Variants in SYNE2 observed in about 807,000 individuals in gnomAD.
The protein encoded by SYNE2 is spectrin repeat containing nuclear envelope protein 2, also known as nesprin-2.
A neutral mutation model predicts 856.3 loss-of-function variants in SYNE2; 431 were observed. That is an observed-to-expected ratio of 0.50 (90% confidence interval 0.47 to 0.55). SYNE2 has a LOEUF of 0.55. SYNE2 is among the 20% of genes least tolerant of loss of function. The probability of loss-of-function intolerance (pLI) is 0.00; values close to 1 mark genes in which losing one functional copy is unlikely to be tolerated. For missense variants in SYNE2, 8,129 were observed against 8,023.2 expected (o/e 1.01, Z -0.50); for synonymous variants, 2,923 against 2,872.3 (o/e 1.02, Z -0.56).
intron 20 of SYNE2, among the ~76,000 whole-genome samples, 157 bp downstream of exon 20, chr14:63,990,726 T>A (rs1054308298): frequency 2.0e-5 from 3 of 152,188 alleles, no homozygotes; most frequent in Non-Finnish European, 4.4e-5. Flanking sequence ...TTAAAGCGTA[T>A]CAGAAAATAT....
At chr14:64,207,996 G>A (rs2098616502) in intron 100 of SYNE2, 1 of 455,916 alleles carries the variant, frequency 2.2e-6, no homozygotes, top group Admixed American at 2.4e-5. Context: ...ATCTGATGAT[G>A]ACTAAAAATG....
At chr14:64,056,300 A>G in intron 49 of SYNE2, 34 bp downstream of exon 49, 1 of 1,555,856 alleles carries the variant, frequency 6.4e-7, no homozygotes, top group Non-Finnish European at 8.8e-7. Context: ...CTTTAAGAAC[A>G]TAAAATATTG....
At chr14:63,778,297 G>T (rs1324034681) in intron 1 of SYNE2, among the ~76,000 whole-genome samples, 2 of 151,946 alleles carry the variant, frequency 1.3e-5, no homozygotes, top group Non-Finnish European at 2.9e-5. Context: ...GTTTCCTGAG[G>T]CCTCCCCAGC....
chr14:63,905,117 G>A (rs1275068630), intron 1 of SYNE2, among the ~76,000 whole-genome samples: 1 of 152,064 alleles, frequency 6.6e-6, no homozygotes, highest in African/African-American at 2.4e-5. Context: ...TCAGATGGTT[G>A]GAAATGTGCA....
At chr14:63,990,917 A>G in intron 20 of SYNE2, 25 bp from the exon 21 acceptor site, 2 of 1,610,210 alleles carry the variant, frequency 1.2e-6, no homozygotes, top group Admixed American at 1.7e-5. Flanking sequence ...CCCCGTGTTA[A>G]TTTGAGAATT....
chr14:63,950,141 C>G, intron 7 of SYNE2, 135 bp downstream of exon 7: 1 of 1,039,796 alleles, frequency 9.6e-7, no homozygotes, highest in South Asian at 1.3e-5. Flanking sequence ...TTCTTCCATA[C>G]GTGGAAGCCC....
intron 84 of SYNE2, among the ~76,000 whole-genome samples, chr14:64,146,821 C>T (rs907296753): frequency 5.3e-5 from 8 of 152,236 alleles, no homozygotes; most frequent in East Asian, 1.9e-4. Context: ...ATCGCCATCA[C>T]GGCAGGCGGC....
In SYNE2 at chr14:63,982,783, A is replaced by G. The variant is rs774314296; in HGVS notation, c.1990A>G (p.Lys664Glu). 6.2e-7 allele frequency: 1 copy of G among 1,614,010 alleles called. No homozygotes were observed. The highest frequency in any genetic ancestry group is 1.1e-5 in the South Asian group (1 of 91,086). The change falls in exon 17 of 116, where the codon AAA becomes GAA. Residue 664 changes from lysine (K) to glutamate (E), a missense_variant. Lys to Glu is a moderately conservative substitution (Grantham distance 56). Transcript: ENST00000555002. The part of the protein sequence containing the change: ...LNKRWRKLVS[K>E]TQLEMNLPLM... ...TAAAAGATGGAGAAAGTTGGTTTCA[A>G]AAACTCAACTTGTAAGTTCTTTTGA...
chr14:64,053,925 C>T (rs953364694), intron 48 of SYNE2, among the ~76,000 whole-genome samples: 5 of 152,146 alleles, frequency 3.3e-5, no homozygotes, highest in South Asian at 2.1e-4. Context: ...GTCAACATCC[C>T]GGCACTGCTC....
chr14:64,163,684 A>G, intron 89 of SYNE2, 103 bp downstream of exon 89: 1 of 1,377,364 alleles, frequency 7.3e-7, no homozygotes, highest in Non-Finnish European at 1.0e-6. Flanking sequence ...GCTGCTCCTT[A>G]GCAAAATTAC....
Position 64,016,454 on chromosome 14 carries a change from T to C in SYNE2, c.4729-19T>C. 1 of 1,505,828 alleles carries C rather than the reference T, an allele frequency of 6.6e-7. No individual in the cohort carries two copies. The allele number at this position is 1,505,828 out of a possible 1,614,324, so 93.3% of individuals were successfully genotyped here. A position where few individuals can be genotyped will look rare whatever the true frequency, so the allele number is the denominator to read the frequency against. On this transcript the variant is annotated intron_variant, in intron 32 of 115. Transcript: ENST00000555002. Reference sequence around the variant, plus strand: ...TCTATATCAAAATATCAGAAATAACTTTCATATCTTTTTTACAGATTGAAA... The same window carrying C: ...TCTATATCAAAATATCAGAAATAACCTTCATATCTTTTTTACAGATTGAAA...
rs2097239571 is a variant in SYNE2, at chr14:64,053,047, AT to A, written c.9135del (p.His3045GlnfsTer8). 2 of 1,613,968 alleles carry A rather than the reference AT, an allele frequency of 1.2e-6. No homozygotes were observed. Among genetic ancestry groups the A allele is most frequent in the Admixed American group, 3.3e-5 (2 of 60,006 alleles). ...IKQLDTFEEE[H>X]GKYQALLSKM... ...CAGTTGGACACATTTGAGGAAGAAC[AT>A]GGCAAATATCAGGCATTATTAAGTA... On this transcript the variant is annotated frameshift_variant, in exon 48 of 116. Transcript: ENST00000555002. LOFTEE classifies it high-confidence loss of function.
intron 76 of SYNE2, among the ~76,000 whole-genome samples, chr14:64,130,931 A>G (rs1310321567): frequency 6.6e-6 from 1 of 152,178 alleles, no homozygotes; most frequent in Non-Finnish European, 1.5e-5. Flanking sequence ...ACTAGAATCA[A>G]AAGGAAAGTG....
At chr14:64,178,180 G>T (rs1191610950) in intron 96 of SYNE2, among the ~76,000 whole-genome samples, 1 of 152,168 alleles carries the variant, frequency 6.6e-6, no homozygotes. Flanking sequence ...AATGAATAGT[G>T]TTATACTTCA....
rs536718608 is a variant in SYNE2 at position 63,951,534 on chromosome 14, C to T, written c.590+1528C>T. Among the ~76,000 whole-genome samples, 6 of 152,274 alleles carry T rather than the reference C, an allele frequency of 3.9e-5. No individual in the cohort carries two copies. The East Asian group carries it at 1.2e-3, about 29-fold the overall frequency. ...CCCAGGCTGGTCTCAAACTCCTGAC[C>T]TCAGGTGATCTGCCCACCTCGGCCT... On this transcript the variant is annotated intron_variant, in intron 7 of 115. Transcript: ENST00000555002.
Position 64,053,102 on chromosome 14 carries a change from G to C in SYNE2, c.9189G>C (p.Lys3063Asn), listed in dbSNP as rs368489729. 9.3e-6 allele frequency: 15 copies of C among 1,614,006 alleles called. No homozygotes were observed. The African/African-American group carries it at 2.0e-4, about 22-fold the overall frequency. ...SKMRAIDLQIKKMTEVVLKAP... is the reference protein window; with the variant it reads ...SKMRAIDLQINKMTEVVLKAP... Reference sequence around the variant, plus strand: ...TGAGAGCTATTGATTTGCAAATTAAGAAAATGACTGAAGTAGTACTAAAAG... The same window carrying C: ...TGAGAGCTATTGATTTGCAAATTAACAAAATGACTGAAGTAGTACTAAAAG... Residue 3063 changes from lysine to asparagine, a missense_variant, in exon 48 of 116, where the codon AAG becomes AAC. This residue lies in a region of SYNE2 where 5,410 missense variants were observed against 5,284.8 expected (regional missense o/e 1.02). Transcript: ENST00000555002.
Position 64,007,189 on chromosome 14 carries a change from T to A in SYNE2, c.4544T>A (p.Leu1515Ter), listed in dbSNP as rs1567035625. 2 of 1,614,088 alleles carry A rather than the reference T, an allele frequency of 1.2e-6. No individual in the cohort carries two copies. The highest frequency in any genetic ancestry group is 1.6e-4 in the Middle Eastern group (1 of 6,062). Residue 1515 changes from leucine (L) to a stop codon, truncating the protein, a stop_gained, in exon 31 of 116, where the codon TTG becomes TAG. Transcript: ENST00000555002. LOFTEE classifies it high-confidence loss of function. ...CAACAGTGCCAAAATACAGTAGTCT[T>A]GTGGGAGAATACCAAAGCCTTGGTC... ...VNQQCQNTVV[L>*]WENTKALVTE...
intron 71 of SYNE2, 53 bp from the exon 72 acceptor site, chr14:64,126,274 C>A: frequency 6.5e-7 from 1 of 1,526,744 alleles, no homozygotes; most frequent in South Asian, 1.1e-5. Flanking sequence ...AAATATAGGT[C>A]TAGGAAGGCA....
rs1328755787 is a variant in SYNE2, at chr14:63,962,430, T to C, written c.888+805T>C. Among the ~76,000 whole-genome samples, 3 of 152,182 alleles carry C rather than the reference T, an allele frequency of 2.0e-5. No individual in the cohort carries two copies. In the East Asian group the frequency reaches 5.8e-4, roughly 29 times the overall value. Reference sequence around the variant, plus strand: ...TTTATATACCATAAAATTCATCTATTTAATATGTTCATTTCAATGGTTGTT... The same window carrying C: ...TTTATATACCATAAAATTCATCTATCTAATATGTTCATTTCAATGGTTGTT... On this transcript the variant is annotated intron_variant, in intron 9 of 115. Coordinates refer to ENST00000555002, the MANE Select transcript of SYNE2 (RefSeq NM_182914.3).
Sources: allele counts gnomAD v4.1 joint callset (sites outside exome capture counted in the v4.1 genomes callset), GRCh38; gene constraint gnomAD v4.1.1; regional missense constraint gnomAD v4.1.1; transcripts MANE v1.5; gene names NCBI Gene and HGNC (gene_info 2026-07-23, HGNC 2026-07-21).